The following CHD1 variants were observed in gnomAD, a reference collection of about 807,000 sequenced individuals.
CHD1 encodes the protein ATP-dependent chromatin remodeler CHD1.
Under a neutral mutation model 224.2 loss-of-function variants are expected in CHD1, and 36 were observed. That is an observed-to-expected ratio of 0.16 (90% CI 0.12 to 0.21). The LOEUF (loss-of-function observed/expected upper bound fraction) is 0.21, where lower values mean the gene tolerates loss of function less well. Among genes scored for constraint, CHD1 ranks in the 10% least tolerant of loss-of-function variants. The pLI is 1.00. For missense variants in CHD1, 1,378 were observed against 1,994.8 expected, an observed-to-expected ratio of 0.69 and a Z score of 5.89; for synonymous variants, 668 against 658.3, an observed-to-expected ratio of 1.01 and a Z score of -0.23.
chr5:98,896,146 C>T (rs527533432), intron 12 of CHD1, 80 bp downstream of exon 12: 108 of 1,212,580 alleles, frequency 8.9e-5, no homozygotes, highest in Admixed American at 5.2e-4. Flanking sequence ...CAGAGTGAAA[C>T]CCCATCTCAA....
chr5:98,858,671 A>G, intron 34 of CHD1: 1 of 422,840 alleles, frequency 2.4e-6, no homozygotes, highest in Non-Finnish European at 4.2e-6. Flanking sequence ...ATGCATTACT[A>G]TTCCAAATTA....
At chr5:98,898,553 T>C in intron 9 of CHD1, 111 bp downstream of exon 9, 1 of 1,212,354 alleles carries the variant, frequency 8.2e-7, no homozygotes, top group Non-Finnish European at 1.1e-6. Context: ...TACAATACTG[T>C]TTTAGTAAGA....
intron 2 of CHD1, among the ~76,000 whole-genome samples, chr5:98,924,920 G>C (rs1187618887): frequency 1.3e-5 from 2 of 151,836 alleles, no homozygotes; most frequent in Non-Finnish European, 2.9e-5. Context: ...GGAGGTTGCA[G>C]TGAGCCGGGA....
chr5:98,886,079 T>A (rs1750633023), intron 17 of CHD1: 1 of 155,722 alleles, frequency 6.4e-6, no homozygotes, highest in Non-Finnish European at 1.4e-5. Context: ...AAAACACTGA[T>A]TAAGTCCAGC....
chr5:98,913,923 G>GA (rs1752584670), intron 2 of CHD1, among the ~76,000 whole-genome samples: 1 of 150,356 alleles, frequency 6.7e-6, no homozygotes, highest in Non-Finnish European at 1.5e-5. Context: ...GAGAGTAGTA[G>GA]TTTTTTTTTT....
At chr5:98,917,062 G>T (rs1752778128) in intron 2 of CHD1, among the ~76,000 whole-genome samples, 1 of 152,148 alleles carries the variant, frequency 6.6e-6, no homozygotes, top group South Asian at 2.1e-4. Flanking sequence ...TAGGAATTTA[G>T]AATGTTACTT....
chr5:98,871,158 T>C (rs983366222), intron 28 of CHD1, among the ~76,000 whole-genome samples: 1 of 151,798 alleles, frequency 6.6e-6, no homozygotes, highest in African/African-American at 2.4e-5. Flanking sequence ...AAAGTGTACT[T>C]ATATATAATG....
At chr5:98,899,778 AATAAT>A in intron 7 of CHD1, 73 bp from the exon 8 acceptor site, 1 of 1,042,230 alleles carries the variant, frequency 9.6e-7, no homozygotes, top group South Asian at 1.4e-5. Context: ...TCAAAATTTC[AATAAT>A]ATGAGTACAA....
chr5:98,879,251 AAAAG>A (rs1458374162), intron 23 of CHD1, among the ~76,000 whole-genome samples: 4 of 152,190 alleles, frequency 2.6e-5, no homozygotes, highest in African/African-American at 9.7e-5. Context: ...AAAAGAAAAG[AAAAG>A]AAAGAAAACA....
At chr5:98,887,977 G>A in intron 17 of CHD1, 111 bp downstream of exon 17, 1 of 606,058 alleles carries the variant, frequency 1.7e-6, no homozygotes, top group Non-Finnish European at 2.5e-6. Context: ...TAAAGAAAAA[G>A]TACAGTTTAT....
Position 98,926,549 on chromosome 5 carries a change from T to C in CHD1, c.-148-15A>G, listed in dbSNP as rs1753467245. On this transcript the variant is annotated splice_polypyrimidine_tract_variant and intron_variant, in intron 1 of 35. Transcript: ENST00000614616. ...CTTTGATTCACCTAAAGAAAATATA[T>C]TAATAAATTAACAAAATTTCCTGCA... The C allele has an allele frequency of 2.5e-6, 1 of 407,754 alleles. No homozygotes were observed. The allele number at this position is 407,754 out of a possible 1,614,324, so 25.3% of individuals were successfully genotyped here.
At chr5:98,899,266 GTGTTAT>G (rs1751537025) in intron 8 of CHD1, among the ~76,000 whole-genome samples, 2 of 152,044 alleles carry the variant, frequency 1.3e-5, no homozygotes, top group African/African-American at 4.8e-5. Flanking sequence ...TTTTTAATTT[GTGTTAT>G]TGTTGTTTTT....
chr5:98,909,082 G>C (rs988112505), intron 2 of CHD1, among the ~76,000 whole-genome samples: 1 of 152,000 alleles, frequency 6.6e-6, no homozygotes, highest in Non-Finnish European at 1.5e-5. Context: ...GAAACTATTT[G>C]TAAACATTTG....
chr5:98,918,224 AT>A (rs1229640791), intron 2 of CHD1, among the ~76,000 whole-genome samples: 3 of 151,078 alleles, frequency 2.0e-5, no homozygotes, highest in African/African-American at 7.3e-5. Context: ...CGCCCAGCTA[AT>A]TTTTTTGTAT....
At chr5:98,901,375 T>C (rs766558614) in intron 5 of CHD1, 40 bp from the exon 6 acceptor site, 6 of 1,535,610 alleles carry the variant, frequency 3.9e-6, no homozygotes, top group South Asian at 2.4e-5. Flanking sequence ...TTTGTACTTA[T>C]ATGGCAAGTT....
intron 31 of CHD1, among the ~76,000 whole-genome samples, chr5:98,865,178 G>C (rs1271531846): frequency 6.6e-6 from 1 of 152,100 alleles, no homozygotes; most frequent in Non-Finnish European, 1.5e-5. Context: ...TCCAAGTAGA[G>C]GAAAAAACAA....
At chr5:98,856,839 A>C (rs964465757) in intron 35 of CHD1, 114 bp from the exon 36 acceptor site, 2 of 730,438 alleles carry the variant, frequency 2.7e-6, no homozygotes, top group Non-Finnish European at 4.4e-6. Context: ...ATTGTATAGA[A>C]ATTCAGTGTT....
intron 31 of CHD1, among the ~76,000 whole-genome samples, chr5:98,867,005 C>G (rs939666078): frequency 6.6e-6 from 1 of 152,142 alleles, no homozygotes; most frequent in Admixed American, 6.5e-5. Context: ...CAGCACTGAT[C>G]TGTAAACTTT....
chr5:98,898,910 G>A, intron 8 of CHD1, 146 bp from the exon 9 acceptor site: 2 of 611,010 alleles, frequency 3.3e-6, no homozygotes, highest in South Asian at 2.0e-5. Context: ...ACTCAAACAG[G>A]AATAAAGCAT....
Sources: allele counts gnomAD v4.1 joint callset (sites outside exome capture counted in the v4.1 genomes callset), GRCh38; gene constraint gnomAD v4.1.1; transcripts MANE v1.5; gene names NCBI Gene and HGNC (gene_info 2026-07-23, HGNC 2026-07-21).